ASAP3: variants seen among roughly 807,000 people sequenced by gnomAD.
The protein encoded by ASAP3 is arf-GAP with SH3 domain, ANK repeat and PH domain-containing protein 3.
In ASAP3, 85 loss-of-function variants were observed where a neutral mutation model predicts 118.2. The observed-to-expected ratio is 0.72, with a 90% CI of 0.60 to 0.86. The LOEUF (loss-of-function observed/expected upper bound fraction) is 0.86. ASAP3 is among the 40% of genes least tolerant of loss of function. The pLI, the probability that ASAP3 is intolerant of heterozygous loss-of-function variation, is 0.00. For synonymous variants in ASAP3, 432 were observed against 477.4 expected (o/e 0.90, Z 1.24); for missense variants, 1,026 against 1,175.0 (o/e 0.87, Z 1.85).
intron 5 of ASAP3, among the ~76,000 whole-genome samples, chr1:23,448,394 A>G (rs181037502): frequency 1.3e-5 from 2 of 152,300 alleles, no homozygotes; most frequent in Admixed American, 6.5e-5. Context: ...AGATGCAAAG[A>G]CCTTACTCCA....
rs1640659896 is a variant in ASAP3, at chr1:23,436,513, G to A, written c.1571+47C>T. 1 of 1,596,374 alleles carries A rather than the reference G, an allele frequency of 6.3e-7. No homozygotes were observed. The highest frequency in any genetic ancestry group is 2.2e-5 in the East Asian group (1 of 44,798). On this transcript the variant is annotated intron_variant, in intron 16 of 24. Transcript: ENST00000336689. This position sits in a 1 kb window ranked among gnomAD's most constrained non-coding sequence, Gnocchi z 4.2. ...TTCTACGACCCTGGACACTGCGGAG[G>A]CAGAATCCCCTAGGCAGGGTGCCCC...
At position 23,435,903 on chromosome 1, in the gene ASAP3, G is replaced by A. The variant is rs1640632565; in HGVS notation, c.1697C>T (p.Ala566Val). 1 of 1,614,258 alleles carries A rather than the reference G, an allele frequency of 6.2e-7. No homozygotes were observed. The highest frequency in any genetic ancestry group is 8.5e-7 in the Non-Finnish European group (1 of 1,180,052). The change falls in exon 17 of 25, where the codon GCC (alanine) becomes GTC (valine). Residue 566 changes from alanine to valine, a missense_variant. By Grantham distance (64) the Ala-to-Val change is moderately conservative (BLOSUM62 0). Transcript: ENST00000336689. ...CNRDLLSVLE[A>V]FANGQDFGQP... ...TCCAAAGTCCTGCCCATTGGCAAAG[G>A]CCTCCAGTACCGACAGGAGGTCCCT...
intron 2 of ASAP3, 41 bp downstream of exon 2, chr1:23,456,081 G>A (rs768905488): frequency 6.2e-7 from 1 of 1,613,870 alleles, no homozygotes; most frequent in Non-Finnish European, 8.5e-7. Context: ...GCTGGGAGAG[G>A]GGCTTCCTGA....
At position 23,482,908 on chromosome 1, in the gene ASAP3, C is replaced by T. The variant is rs140104579; in HGVS notation, c.129+1097G>A. On this transcript the variant is annotated intron_variant, in intron 1 of 24. Coordinates refer to ENST00000336689, the MANE Select transcript of ASAP3 (RefSeq NM_017707.4). ...CGGAGTTTGCATTGAGCCAAGATCG[C>T]GTCACTGCACTCCAGCCTGGGCGAC... 3.8e-3 allele frequency among the ~76,000 whole-genome samples: 575 copies of T among 151,198 alleles called. 6 individuals are homozygous for T. The highest frequency in any genetic ancestry group is 0.011 in the African/African-American group (455 of 41,094).
At chr1:23,483,973 A>AC (rs1378073330) in intron 1 of ASAP3, 32 bp downstream of exon 1, 7 of 1,252,034 alleles carry the variant, frequency 5.6e-6, no homozygotes, top group Admixed American at 4.3e-5. Context: ...CCCGGCGCCG[A>AC]CCCCCGACCC....
intron 3 of ASAP3, among the ~76,000 whole-genome samples, chr1:23,453,534 TAGAGCCTA>T (rs1399183011): frequency 6.6e-6 from 1 of 152,162 alleles, no homozygotes; most frequent in Non-Finnish European, 1.5e-5. Flanking sequence ...GAGGAAAGGA[TAGAGCCTA>T]AGCCAGCTGC....
rs555620864 is a variant in ASAP3 at position 23,447,423 on chromosome 1, T to C, written c.473+4056A>G. 2.6e-3 allele frequency among the ~76,000 whole-genome samples: 398 copies of C among 152,322 alleles called. 1 individual carries two copies. The highest frequency in any genetic ancestry group is 4.6e-3 in the Non-Finnish European group (316 of 68,030). On this transcript the variant is annotated intron_variant, in intron 5 of 24. Coordinates refer to ENST00000336689, the MANE Select transcript of ASAP3 (RefSeq NM_017707.4). ...CGTATATATAGGAAAAAGCACAGAT[T>C]ACATTTTAATGCCAAAAACTGCCGG...
rs149729763 is a variant in ASAP3 at position 23,449,838 on chromosome 1, G to A, written c.473+1641C>T. Among the ~76,000 whole-genome samples the A allele has an allele frequency of 7.0e-4, 107 of 152,326 alleles. 2 individuals are homozygous for A. In the East Asian group the frequency reaches 0.012, roughly 17 times the overall value. ...GGCTCAATATAGAAACCTAGGAAAAGCAGACCTGCTTTGGGAAGGTCAGCA... is the reference window on the plus strand; with the variant it reads ...GGCTCAATATAGAAACCTAGGAAAAACAGACCTGCTTTGGGAAGGTCAGCA... On this transcript the variant is annotated intron_variant, in intron 5 of 24. Coordinates refer to ENST00000336689, the MANE Select transcript of ASAP3 (RefSeq NM_017707.4).
At chr1:23,457,660 G>A (rs959982631) in intron 1 of ASAP3, among the ~76,000 whole-genome samples, 3 of 152,174 alleles carry the variant, frequency 2.0e-5, no homozygotes, top group Admixed American at 2.0e-4. Context: ...GGGATTACAG[G>A]TGCCCACCAC....
At position 23,429,837 on chromosome 1, in the gene ASAP3, T is replaced by C. The variant is rs771665019; in HGVS notation, c.*19A>G. On this transcript the variant is annotated 3_prime_UTR_variant, in exon 25 of 25. Transcript: ENST00000336689. ...GAACATTGGGGCCTAGCATGGGGCA[T>C]GTGGGGGCCAGCAAGGAGCTAGTCT... is the stretch of plus-strand genomic sequence containing the variant. 7.4e-6 allele frequency: 12 copies of C among 1,612,020 alleles called. No individual in the cohort carries two copies. In the South Asian group the frequency reaches 1.2e-4, roughly 16 times the overall value.
chr1:23,431,156 T>C, intron 23 of ASAP3, 31 bp from the exon 24 acceptor site: 1 of 1,558,106 alleles, frequency 6.4e-7, no homozygotes. Context: ...AACATGACCC[T>C]CATGTCCAGA....
chr1:23,435,828 G>A, intron 17 of ASAP3, 23 bp downstream of exon 17: 4 of 1,614,144 alleles, frequency 2.5e-6, no homozygotes, highest in Non-Finnish European at 2.5e-6. Context: ...TGGGTTATAA[G>A]TGGCCCTTGG....
At chr1:23,452,629 C>T (rs750771433) in intron 4 of ASAP3, 68 bp downstream of exon 4, 298 of 1,526,926 alleles carry the variant, frequency 2.0e-4, no homozygotes, top group Non-Finnish European at 2.5e-4. Context: ...CCAGCCCTGC[C>T]CCCCAACAGT....
rs777640813 is a variant in ASAP3 at position 23,437,099 on chromosome 1, C to T, written c.1342+31G>A. ...GTGCAGCCCCTCCCCTCCACTTAAG[C>T]CTCCCTCCTGCCCCGGCCCCGGGGA... On this transcript the variant is annotated intron_variant, in intron 14 of 24. Coordinates refer to ENST00000336689, the MANE Select transcript of ASAP3 (RefSeq NM_017707.4). This position sits in a 1 kb window ranked among gnomAD's most constrained non-coding sequence, Gnocchi z 6.1. 2.8e-5 allele frequency: 45 copies of T among 1,600,610 alleles called. No individual in the cohort carries two copies. The highest frequency in any genetic ancestry group is 3.8e-5 in the Non-Finnish European group (44 of 1,173,246).
intron 17 of ASAP3, among the ~76,000 whole-genome samples, chr1:23,434,963 T>C (rs1640585776): frequency 6.6e-6 from 1 of 152,070 alleles, no homozygotes; most frequent in Non-Finnish European, 1.5e-5. Flanking sequence ...AATTCTTACC[T>C]CACCTAAGTG....
intron 1 of ASAP3, among the ~76,000 whole-genome samples, chr1:23,457,209 C>T (rs554545134): frequency 1.3e-5 from 2 of 152,094 alleles, no homozygotes; most frequent in Non-Finnish European, 2.9e-5. Context: ...CCGGGTGCAA[C>T]AGAACAGTGT....
chr1:23,477,134 A>G (rs1642155496), intron 1 of ASAP3, among the ~76,000 whole-genome samples: 1 of 151,518 alleles, frequency 6.6e-6, no homozygotes, highest in African/African-American at 2.4e-5. Flanking sequence ...CTCGTGCCTC[A>G]GCCTCCCAAG....
chr1:23,442,510 G>A lies in ASAP3; in HGVS notation c.576C>T (p.His192=). 1 of 1,613,736 alleles carries A rather than the reference G, an allele frequency of 6.2e-7. No individual in the cohort carries two copies. Among genetic ancestry groups the A allele is most frequent in the African/African-American group, 1.3e-5 (1 of 75,000 alleles). Residue 192 remains histidine (H), a synonymous_variant, in exon 6 of 25, where the codon CAC becomes CAT. Coordinates refer to ENST00000336689, the MANE Select transcript of ASAP3 (RefSeq NM_017707.4). ...MQRERRIFQL[H]MCEYLLKAGE... ...CCAGAGCACCCCTTACCTCACACAT[G>A]TGCAGCTGGAAGATGCGCCGCTCTC...
At chr1:23,445,146 T>C (rs2148622470) in intron 5 of ASAP3, among the ~76,000 whole-genome samples, 1 of 150,472 alleles carries the variant, frequency 6.6e-6, no homozygotes, top group East Asian at 2.0e-4. Flanking sequence ...AGAGGGGAGG[T>C]GATGGCTGGG....
Sources: allele counts gnomAD v4.1 joint callset (sites outside exome capture counted in the v4.1 genomes callset), GRCh38; gene constraint gnomAD v4.1.1; non-coding constraint Gnocchi (gnomAD v3.1); transcripts MANE v1.5; gene names NCBI Gene and HGNC (gene_info 2026-07-23, HGNC 2026-07-21).